Variants in WDR17 observed in about 807,000 individuals in gnomAD.
WDR17 encodes the protein WD repeat domain 17, also known as WD repeat-containing protein 17.
A neutral mutation model predicts 161.7 loss-of-function variants in WDR17; 143 were observed. The observed-to-expected ratio is 0.88, with a 90% CI of 0.77 to 1.02. The LOEUF is 1.02. Among genes scored for constraint, WDR17 ranks in the 50% least tolerant of loss-of-function variants. The pLI, the probability that WDR17 is intolerant of heterozygous loss-of-function variation, is 0.00. For missense variants in WDR17, 1,469 were observed against 1,520.9 expected (o/e 0.97, Z 0.57); for synonymous variants, 517 against 515.6 (o/e 1.00, Z -0.04).
chr4:176,126,194 G>A lies in WDR17; in HGVS notation c.790+839G>A, dbSNP rs1422406193. 3.3e-5 allele frequency among the ~76,000 whole-genome samples: 5 copies of A among 152,140 alleles called. No homozygotes were observed. The South Asian group carries it at 1.0e-3, about 32-fold the overall frequency. ...TTCAAACTATAGCACTCACTGATCC[G>A]TGGGTTGAATGGATACTCCTTCATG... On this transcript the variant is annotated intron_variant, in intron 5 of 28. Coordinates refer to ENST00000508596, the MANE Select transcript of WDR17 (RefSeq NM_181265.4).
chr4:176,074,967 G>A (rs933772941), intron 1 of WDR17, among the ~76,000 whole-genome samples: 4 of 151,768 alleles, frequency 2.6e-5, no homozygotes, highest in South Asian at 4.2e-4. Flanking sequence ...TCTAGAAATA[G>A]CCAAATATTT....
chr4:176,125,433 A>G, intron 5 of WDR17, 78 bp downstream of exon 5: 1 of 1,520,600 alleles, frequency 6.6e-7, no homozygotes, highest in South Asian at 1.3e-5. Context: ...TGTCCTTTAT[A>G]GGTTGATTTT....
chr4:176,137,641 A>G (rs1744630307), intron 9 of WDR17, 30 bp downstream of exon 9: 3 of 1,304,706 alleles, frequency 2.3e-6, no homozygotes, highest in South Asian at 1.5e-5. Context: ...ACTGAATAAT[A>G]TAATGTTTTA....
chr4:176,146,494 G>A (rs999678845), intron 12 of WDR17, among the ~76,000 whole-genome samples: 4 of 152,190 alleles, frequency 2.6e-5, no homozygotes, highest in Non-Finnish European at 5.9e-5. Flanking sequence ...CAGAATGGTA[G>A]GGAAATCAGT....
intron 23 of WDR17, 94 bp from the exon 24 acceptor site, chr4:176,172,281 C>A: frequency 8.9e-7 from 1 of 1,123,590 alleles, no homozygotes; most frequent in South Asian, 1.5e-5. Flanking sequence ...ATAAGAAAAC[C>A]ATACTAGGAA....
chr4:176,121,761 C>A (rs1741622479), intron 4 of WDR17, among the ~76,000 whole-genome samples: 1 of 152,078 alleles, frequency 6.6e-6, no homozygotes. Flanking sequence ...TGAGACAGTG[C>A]ATGCTTATTT....
At position 176,177,576 on chromosome 4, in the gene WDR17, A is replaced by G; in HGVS notation, c.3654A>G (p.Gly1218=). 1 of 1,597,026 alleles carries G rather than the reference A, an allele frequency of 6.3e-7. No individual in the cohort carries two copies. Among genetic ancestry groups the G allele is most frequent in the Non-Finnish European group, 8.5e-7 (1 of 1,176,040 alleles). Residue 1218 remains glycine, a synonymous_variant, in exon 28 of 29, where the codon GGA becomes GGG. Transcript: ENST00000508596. ...AAGAGTCACTGAAAGGAATTATTGG[A>G]CCAGATTATGTGACTGGATCAAATC... ...LKEESLKGII[G]PDYVTGSNLP...
At chr4:176,145,860 A>G (rs1746073337) in intron 11 of WDR17, 135 bp from the exon 12 acceptor site, 1 of 674,650 alleles carries the variant, frequency 1.5e-6, no homozygotes, top group Non-Finnish European at 2.3e-6. Context: ...GATTTTTTAC[A>G]TATGTAAGTT....
chr4:176,109,409 A>C (rs1329648646), intron 1 of WDR17, among the ~76,000 whole-genome samples: 1 of 152,094 alleles, frequency 6.6e-6, no homozygotes, highest in East Asian at 1.9e-4. Context: ...CGAGGAGGAA[A>C]GTTTCTGAAT....
rs561777712 is a variant in WDR17, at chr4:176,162,280, A to C, written c.2850+106A>C. On this transcript the variant is annotated intron_variant, in intron 21 of 28. Transcript: ENST00000508596. Reference sequence around the variant, plus strand: ...CTTTCTATGTGAGATCTGGTTTTGCATGTCTTCGAAGCCTGAGTAATTAAG... The same window carrying C: ...CTTTCTATGTGAGATCTGGTTTTGCCTGTCTTCGAAGCCTGAGTAATTAAG... The C allele has an allele frequency of 3.6e-5, 34 of 950,078 alleles. No individual in the cohort carries two copies. In the East Asian group the frequency reaches 7.4e-4, roughly 21 times the overall value. 58.9% of individuals were successfully genotyped at this position (950,078 alleles called of 1,614,324 possible).
chr4:176,097,279 T>C (rs141779551), intron 1 of WDR17, among the ~76,000 whole-genome samples: 2,594 of 152,104 alleles, frequency 0.017, 28 homozygotes, highest in Non-Finnish European at 0.025. Context: ...TTTTATTTTA[T>C]TAATTAGTGG....
At chr4:176,078,319 T>TC (rs1374313872) in intron 1 of WDR17, among the ~76,000 whole-genome samples, 1 of 152,020 alleles carries the variant, frequency 6.6e-6, no homozygotes, top group Non-Finnish European at 1.5e-5. Context: ...AAATGATGAG[T>TC]ATAAACTGGA....
chr4:176,132,474 C>T (rs1743624728), intron 7 of WDR17, among the ~76,000 whole-genome samples: 1 of 151,870 alleles, frequency 6.6e-6, no homozygotes, highest in Admixed American at 6.6e-5. Context: ...TTTAAGAAAC[C>T]TTTAAATGCT....
intron 1 of WDR17, among the ~76,000 whole-genome samples, chr4:176,099,298 GAAATGAATTAGCAGA>G (rs1199031637): frequency 6.6e-6 from 1 of 152,166 alleles, no homozygotes; most frequent in African/African-American, 2.4e-5. Flanking sequence ...TACCAGAGCA[GAAATGAATTAGCAGA>G]AACTAACCTG....
In WDR17 at chr4:176,166,098, T is replaced by C. The variant is rs778716712; in HGVS notation, c.2991-2574T>C. 2.7e-6 allele frequency: 3 copies of C among 1,106,900 alleles called. No homozygotes were observed. The African/African-American group carries it at 4.9e-5, about 18-fold the overall frequency. The allele number at this position is 1,106,900 out of a possible 1,614,324, so 68.6% of individuals were successfully genotyped here. ...TGTGGTATTCATCGTATAATCATGG[T>C]ATTCATATTTAATATTTTCCTTTAG... On this transcript the variant is annotated intron_variant, in intron 22 of 28. Transcript: ENST00000508596.
At chr4:176,096,246 G>A (rs1579033833) in intron 1 of WDR17, among the ~76,000 whole-genome samples, 1 of 152,014 alleles carries the variant, frequency 6.6e-6, no homozygotes, top group Non-Finnish European at 1.5e-5. Context: ...TTTTAAGAAT[G>A]TAAACAGAAA....
intron 4 of WDR17, among the ~76,000 whole-genome samples, chr4:176,124,572 T>C (rs1173009934): frequency 3.3e-5 from 5 of 152,116 alleles, no homozygotes; most frequent in Non-Finnish European, 7.4e-5. Context: ...GTGAGATAAG[T>C]ATTGTTATCT....
chr4:176,160,536 G>A (rs139029009), intron 19 of WDR17, among the ~76,000 whole-genome samples: 5 of 152,178 alleles, frequency 3.3e-5, no homozygotes, highest in Non-Finnish European at 7.4e-5. Context: ...TGGCCAGGCT[G>A]GTCTCAAACT....
Position 176,152,069 on chromosome 4 carries a change from G to A in WDR17, c.2460+102G>A, listed in dbSNP as rs180918748. The stretch of plus-strand genomic sequence containing the variant: ...TTAAAAATAAAAAGCTCAGCACTTT[G>A]GAGGCCAAGGTGGGTGGATCACTTG... On this transcript the variant is annotated intron_variant, in intron 17 of 28. Coordinates refer to ENST00000508596, the MANE Select transcript of WDR17 (RefSeq NM_181265.4). 10 of 1,221,304 alleles carry A rather than the reference G, an allele frequency of 8.2e-6. No individual in the cohort carries two copies. In the African/African-American group the frequency reaches 1.6e-4, roughly 19 times the overall value. 75.7% of individuals were successfully genotyped at this position (1,221,304 alleles called of 1,614,324 possible).
Sources: gnomAD v4.1 joint callset for allele counts (sites outside exome capture counted in the v4.1 genomes callset) on GRCh38, gnomAD v4.1.1 for gene constraint, MANE v1.5 for transcripts, NCBI Gene and HGNC (gene_info 2026-07-23, HGNC 2026-07-21) for gene names.